WDFY2: variants seen among roughly 807,000 people sequenced by gnomAD.
The protein encoded by WDFY2 is WD repeat and FYVE domain-containing protein 2.
A neutral mutation model predicts 56.4 loss-of-function variants in WDFY2; 36 were observed. The ratio of observed to expected loss-of-function variants is 0.64; its 90% confidence interval spans 0.49 to 0.84. The LOEUF (loss-of-function observed/expected upper bound fraction) is 0.84, where lower values mean the gene tolerates loss of function less well. WDFY2 is among the 40% of genes least tolerant of loss of function. The probability of loss-of-function intolerance (pLI) is 0.00; values close to 1 mark genes in which losing one functional copy is unlikely to be tolerated. For synonymous variants in WDFY2, 176 were observed against 183.7 expected (o/e 0.96, Z 0.34); for missense variants, 444 against 512.2 (o/e 0.87, Z 1.29).
intron 2 of WDFY2, among the ~76,000 whole-genome samples, chr13:51,673,248 A>G (rs1050999184): frequency 6.6e-6 from 1 of 152,254 alleles, no homozygotes; most frequent in Non-Finnish European, 1.5e-5. Flanking sequence ...TTTAAATCAC[A>G]TTCAAATTTC....
chr13:51,728,998 C>T (rs1952664061), intron 6 of WDFY2, among the ~76,000 whole-genome samples: 1 of 152,200 alleles, frequency 6.6e-6, no homozygotes, highest in Admixed American at 6.5e-5. Flanking sequence ...CCTTGTGGCG[C>T]ATTCTAGCCC....
chr13:51,649,679 G>C (rs1314503404), intron 1 of WDFY2, among the ~76,000 whole-genome samples: 1 of 149,724 alleles, frequency 6.7e-6, no homozygotes, highest in Non-Finnish European at 1.5e-5. Context: ...AGAACATGCA[G>C]TGTTTGGTTT....
In WDFY2 at chr13:51,692,699, C is replaced by T. The variant is rs528817463; in HGVS notation, c.280-10897C>T. On this transcript the variant is annotated intron_variant, in intron 3 of 11. Transcript: ENST00000298125. ...GCCTGGCTTTGGTATCAGGATGATG[C>T]TGGCCTCATAAAATGAGTTAGGGAG... Among the ~76,000 whole-genome samples the T allele has an allele frequency of 6.8e-4, 104 of 152,298 alleles. 1 individual carries two copies. Among genetic ancestry groups the T allele is most frequent in the African/African-American group, 2.3e-3 (94 of 41,570 alleles).
At position 51,765,984 on chromosome 13, in the gene WDFY2, C is replaced by G. The variant is rs1346100610; in HGVS notation, c.*6215C>G. 2 of 151,698 alleles carry G rather than the reference C, an allele frequency of 1.3e-5. No individual in the cohort carries two copies. The highest frequency in any genetic ancestry group is 4.8e-5 in the African/African-American group (2 of 41,284). 9.4% of individuals were successfully genotyped at this position (151,698 alleles called of 1,614,324 possible). ...CTTATGATTCTTTTTTCCCTTGGTT[C>G]TCGGGGATGCATGAGAAGGTGAGCT... is the stretch of plus-strand genomic sequence containing the variant. On this transcript the variant is annotated 3_prime_UTR_variant, in exon 12 of 12. Transcript: ENST00000298125.
At chr13:51,651,003 T>A (rs1955370553) in intron 1 of WDFY2, among the ~76,000 whole-genome samples, 1 of 152,214 alleles carries the variant, frequency 6.6e-6, no homozygotes, top group African/African-American at 2.4e-5. Context: ...CAGCTCCTCC[T>A]TGTACCTCTG....
intron 1 of WDFY2, among the ~76,000 whole-genome samples, chr13:51,625,835 T>TC (rs1954826908): frequency 2.0e-5 from 3 of 152,218 alleles, no homozygotes; most frequent in Non-Finnish European, 4.4e-5. Flanking sequence ...GAAGCTGATA[T>TC]CAATGGAGGG....
intron 1 of WDFY2, among the ~76,000 whole-genome samples, chr13:51,649,335 C>G (rs148318576): frequency 6.6e-6 from 1 of 151,408 alleles, no homozygotes; most frequent in South Asian, 2.1e-4. Context: ...ATGGACTGTG[C>G]GGTGCATTTG....
At position 51,614,223 on chromosome 13, in the gene WDFY2, A is replaced by G. The variant is rs1318781917; in HGVS notation, c.137+29399A>G. Among the ~76,000 whole-genome samples the G allele has an allele frequency of 3.9e-5, 6 of 151,966 alleles. No homozygotes were observed. In the South Asian group the frequency reaches 6.2e-4, roughly 16 times the overall value. On this transcript the variant is annotated intron_variant, in intron 1 of 11. Coordinates refer to ENST00000298125, the MANE Select transcript of WDFY2 (RefSeq NM_052950.4). ...AAAAAAAAAAAAAGTGTATCTGTGA[A>G]TAGAGAACTTGCCTTTCAAACCAGC... is the stretch of plus-strand genomic sequence containing the variant.
intron 3 of WDFY2, among the ~76,000 whole-genome samples, chr13:51,695,075 A>G (rs1435161645): frequency 6.6e-6 from 1 of 152,080 alleles, no homozygotes; most frequent in Non-Finnish European, 1.5e-5. Flanking sequence ...TTCTAGTTAT[A>G]CATTCGTCTA....
At chr13:51,707,815 C>T (rs1437954165) in intron 4 of WDFY2, among the ~76,000 whole-genome samples, 1 of 149,886 alleles carries the variant, frequency 6.7e-6, no homozygotes, top group African/African-American at 2.5e-5. Context: ...AACAATAACA[C>T]AAAGATCAGG....
chr13:51,625,805 G>A (rs895558738), intron 1 of WDFY2, among the ~76,000 whole-genome samples: 5 of 152,230 alleles, frequency 3.3e-5, no homozygotes, highest in African/African-American at 7.2e-5. Context: ...AGGATGAGGC[G>A]CAGCCAGGAC....
chr13:51,654,434 C>T (rs1175247573), intron 1 of WDFY2, among the ~76,000 whole-genome samples: 1 of 152,176 alleles, frequency 6.6e-6, no homozygotes, highest in African/African-American at 2.4e-5. Context: ...CGACAATCCC[C>T]AGTGAGATGA....
At chr13:51,746,705 T>C (rs1801221842) in intron 7 of WDFY2, among the ~76,000 whole-genome samples, 1 of 151,654 alleles carries the variant, frequency 6.6e-6, no homozygotes, top group African/African-American at 2.4e-5. Flanking sequence ...TGATTTAACT[T>C]ATAATAACAG....
At position 51,766,992 on chromosome 13, in the gene WDFY2, C is replaced by T. The variant is rs1953770656; in HGVS notation, c.*7223C>T. ...TGTTCACCACAGTCTAAGCACAGCA[C>T]ACGGGCTCAAGCCATGGAGCCCTTT... On this transcript the variant is annotated 3_prime_UTR_variant, in exon 12 of 12. Coordinates refer to ENST00000298125, the MANE Select transcript of WDFY2 (RefSeq NM_052950.4). 1 of 152,220 alleles carries T rather than the reference C, an allele frequency of 6.6e-6. No homozygotes were observed. 9.4% of individuals were successfully genotyped at this position (152,220 alleles called of 1,614,324 possible). A position where few individuals can be genotyped will look rare whatever the true frequency, so the allele number is the denominator to read the frequency against.
At chr13:51,692,829 T>G (rs1951773746) in intron 3 of WDFY2, among the ~76,000 whole-genome samples, 1 of 152,182 alleles carries the variant, frequency 6.6e-6, no homozygotes, top group Non-Finnish European at 1.5e-5. Context: ...GGTCCTGGAT[T>G]CTTTTTGGTT....
chr13:51,759,626 A>G (rs1422424742), intron 11 of WDFY2, 114 bp from the exon 12 acceptor site: 59 of 833,818 alleles, frequency 7.1e-5, no homozygotes, highest in South Asian at 5.2e-5. Flanking sequence ...TCATGTTAGT[A>G]TAGTATGTGG....
chr13:51,647,323 G>A (rs1566337123), intron 1 of WDFY2, among the ~76,000 whole-genome samples: 1 of 152,160 alleles, frequency 6.6e-6, no homozygotes, highest in Non-Finnish European at 1.5e-5. Flanking sequence ...TAGGCTGTAT[G>A]ATATATATAG....
At chr13:51,649,325 A>G (rs966755835) in intron 1 of WDFY2, among the ~76,000 whole-genome samples, 2 of 151,942 alleles carry the variant, frequency 1.3e-5, no homozygotes, top group African/African-American at 4.8e-5. Flanking sequence ...CACGTGCAAG[A>G]TGGACTGTGC....
At chr13:51,673,336 G>A (rs1032906491) in intron 2 of WDFY2, among the ~76,000 whole-genome samples, 3 of 152,188 alleles carry the variant, frequency 2.0e-5, no homozygotes, top group African/African-American at 4.8e-5. Flanking sequence ...AGATGGTCAA[G>A]TGGGCAGCTA....
Sources: gnomAD v4.1 joint callset for allele counts (sites outside exome capture counted in the v4.1 genomes callset) on GRCh38, gnomAD v4.1.1 for gene constraint, MANE v1.5 for transcripts, NCBI Gene and HGNC (gene_info 2026-07-23, HGNC 2026-07-21) for gene names.